The following SGCZ variants were observed in gnomAD, a reference collection of about 807,000 sequenced individuals.
The protein encoded by SGCZ is sarcoglycan zeta, also known as zeta-sarcoglycan.
SGCZ carries 40 observed loss-of-function variants against 41.3 expected under a neutral mutation model. The observed-to-expected ratio is 0.97, with a 90% confidence interval of 0.75 to 1.26. SGCZ has a LOEUF of 1.26. SGCZ is among the 50% of genes most tolerant of loss of function. SGCZ has a pLI of 0.00. For synonymous variants in SGCZ, 206 were observed against 137.5 expected (o/e 1.50, Z -3.49); for missense variants, 552 against 369.8 (o/e 1.49, Z -4.04).
intron 2 of SGCZ, among the ~76,000 whole-genome samples, chr8:14,546,507 G>C (rs879290250): frequency 6.6e-6 from 1 of 152,046 alleles, no homozygotes; most frequent in African/African-American, 2.4e-5. Context: ...AAATGTCATT[G>C]TACTCTCCAG....
At chr8:14,377,686 C>A (rs534807547) in intron 2 of SGCZ, among the ~76,000 whole-genome samples, 8 of 151,870 alleles carry the variant, frequency 5.3e-5, no homozygotes, top group Admixed American at 3.3e-4. Context: ...CCACTCCCCC[C>A]ACCCCACAAC....
At chr8:14,371,891 G>C (rs1230370494) in intron 2 of SGCZ, among the ~76,000 whole-genome samples, 5 of 152,056 alleles carry the variant, frequency 3.3e-5, no homozygotes, top group South Asian at 2.1e-4. Context: ...TATGCCTTGA[G>C]GGTTAAAGAA....
intron 1 of SGCZ, among the ~76,000 whole-genome samples, chr8:14,708,233 G>A (rs1476867742): frequency 3.3e-5 from 5 of 151,662 alleles, no homozygotes; most frequent in Non-Finnish European, 7.4e-5. Flanking sequence ...AGACTATTTT[G>A]CAACATATTA....
chr8:14,286,549 A>G (rs1368323307), intron 3 of SGCZ, among the ~76,000 whole-genome samples: 1 of 152,146 alleles, frequency 6.6e-6, no homozygotes, highest in African/African-American at 2.4e-5. Context: ...AGTAGTTTAT[A>G]TCTAACAATA....
At chr8:14,399,950 G>T (rs562281669) in intron 2 of SGCZ, among the ~76,000 whole-genome samples, 1 of 151,882 alleles carries the variant, frequency 6.6e-6, no homozygotes, top group South Asian at 2.1e-4. Flanking sequence ...CTCCAACCTG[G>T]TTACTACTCA....
At chr8:14,462,878 T>TTTG (rs1800942097) in intron 2 of SGCZ, among the ~76,000 whole-genome samples, 1 of 151,810 alleles carries the variant, frequency 6.6e-6, no homozygotes, top group Non-Finnish European at 1.5e-5. Flanking sequence ...AGAATTTTTT[T>TTTG]TTGAGTTTTC....
At chr8:14,428,691 T>C (rs577281890) in intron 2 of SGCZ, among the ~76,000 whole-genome samples, 8 of 152,278 alleles carry the variant, frequency 5.3e-5, no homozygotes, top group Non-Finnish European at 4.4e-5. Context: ...AACCAACTGA[T>C]TTATTTGGAA....
At chr8:15,191,714 T>A (rs1039814733) in intron 1 of SGCZ, among the ~76,000 whole-genome samples, 1 of 152,014 alleles carries the variant, frequency 6.6e-6, no homozygotes, top group Non-Finnish European at 1.5e-5. Context: ...AGATAAAGCA[T>A]GTACAAATAA....
chr8:14,986,781 T>G (rs1243431637), intron 1 of SGCZ, among the ~76,000 whole-genome samples: 3 of 152,014 alleles, frequency 2.0e-5, no homozygotes, highest in African/African-American at 7.2e-5. Flanking sequence ...TAAGGCAAAC[T>G]TCTGTGACCT....
At chr8:14,709,229 T>C (rs1396305382) in intron 1 of SGCZ, among the ~76,000 whole-genome samples, 1 of 152,212 alleles carries the variant, frequency 6.6e-6, no homozygotes, top group Non-Finnish European at 1.5e-5. Context: ...CAACTTGAAC[T>C]CATCTAGCTT....
At chr8:14,473,982 A>G (rs1278342886) in intron 2 of SGCZ, among the ~76,000 whole-genome samples, 2 of 151,992 alleles carry the variant, frequency 1.3e-5, no homozygotes, top group African/African-American at 2.4e-5. Context: ...TCTTTAAGTA[A>G]TACCCCATGG....
chr8:14,185,720 C>T (rs927049388), intron 4 of SGCZ, among the ~76,000 whole-genome samples: 1 of 152,096 alleles, frequency 6.6e-6, no homozygotes, highest in African/African-American at 2.4e-5. Flanking sequence ...CACTCATCGT[C>T]TTTCTATTCT....
chr8:14,554,813 GA>G lies in SGCZ; in HGVS notation c.152del (p.Phe51SerfsTer10). The G allele has an allele frequency of 6.2e-7, 1 of 1,613,276 alleles. No individual in the cohort carries two copies. Among genetic ancestry groups the G allele is most frequent in the Non-Finnish European group, 8.5e-7 (1 of 1,179,574 alleles). On this transcript the variant is annotated frameshift_variant, in exon 2 of 8. Coordinates refer to ENST00000382080, the MANE Select transcript of SGCZ (RefSeq NM_139167.4). LOFTEE classifies it high-confidence loss of function. ...TGGTAACCAACAGCAGAAGGACAAA[GA>G]AGTATAAGCACCTCTTTCGCCATCC... is the stretch of plus-strand genomic sequence containing the variant. ...IYGWRKRCLY[F>X]FVLLLLVTMI...
intron 1 of SGCZ, among the ~76,000 whole-genome samples, chr8:14,985,479 A>C (rs967268654): frequency 5.3e-5 from 8 of 152,166 alleles, no homozygotes; most frequent in Non-Finnish European, 8.8e-5. Context: ...TGAGACTAAA[A>C]ATTTATGAGA....
At chr8:14,992,695 A>ACC (rs58881776) in intron 1 of SGCZ, among the ~76,000 whole-genome samples, 1 of 107,830 alleles carries the variant, frequency 9.3e-6, no homozygotes, top group African/African-American at 4.1e-5. Context: ...CTTGATATTT[A>ACC]CCCCCCACCC....
chr8:15,036,335 A>G (rs1489684349), intron 1 of SGCZ, among the ~76,000 whole-genome samples: 1 of 152,070 alleles, frequency 6.6e-6, no homozygotes, highest in Non-Finnish European at 1.5e-5. Flanking sequence ...AGATCGAATC[A>G]GTAATAAAAT....
chr8:14,290,800 C>T (rs1027808757), intron 3 of SGCZ, among the ~76,000 whole-genome samples: 1 of 152,074 alleles, frequency 6.6e-6, no homozygotes, highest in East Asian at 1.9e-4. Flanking sequence ...CATAAGCTAC[C>T]AGTAGAACTA....
chr8:15,029,002 T>C (rs1585489432), intron 1 of SGCZ, among the ~76,000 whole-genome samples: 1 of 152,154 alleles, frequency 6.6e-6, no homozygotes, highest in Non-Finnish European at 1.5e-5. Context: ...GAACTAAAAG[T>C]CACCCTCCTG....
intron 3 of SGCZ, among the ~76,000 whole-genome samples, chr8:14,280,192 G>T (rs1172240689): frequency 6.6e-6 from 1 of 151,870 alleles, no homozygotes; most frequent in African/African-American, 2.4e-5. Flanking sequence ...TAGTATGGAT[G>T]ATAATAGGAT....
Sources: allele counts gnomAD v4.1 joint callset (sites outside exome capture counted in the v4.1 genomes callset), GRCh38; gene constraint gnomAD v4.1.1; transcripts MANE v1.5; gene names NCBI Gene and HGNC (gene_info 2026-07-23, HGNC 2026-07-21).